SLC4A4: variants seen among roughly 807,000 people sequenced by gnomAD.
SLC4A4 encodes the protein electrogenic sodium bicarbonate cotransporter 1.
A neutral mutation model predicts 111.5 loss-of-function variants in SLC4A4; 27 were observed. The ratio of observed to expected loss-of-function variants is 0.24; its 90% CI spans 0.18 to 0.33. The LOEUF is 0.33. Among genes scored for constraint, SLC4A4 ranks in the 10% least tolerant of loss-of-function variants. The probability of loss-of-function intolerance (pLI) is 1.00; values close to 1 mark genes in which losing one functional copy is unlikely to be tolerated. For missense variants in SLC4A4, 909 were observed against 1,315.5 expected (o/e 0.69, Z 4.78); for synonymous variants, 443 against 463.4 (o/e 0.96, Z 0.57).
intron 14 of SLC4A4, among the ~76,000 whole-genome samples, chr4:71,474,625 C>T (rs1274576660): frequency 1.3e-5 from 2 of 151,778 alleles, no homozygotes; most frequent in East Asian, 1.9e-4. Context: ...TGATGACAAG[C>T]TAGGGCATTG....
chr4:71,525,486 T>TA (rs59665909), intron 16 of SLC4A4, among the ~76,000 whole-genome samples: 2,122 of 152,252 alleles, frequency 0.014, 38 homozygotes, highest in South Asian at 0.069. Context: ...GTATCATTTT[T>TA]AAAAACTTTT....
chr4:71,100,772 C>T lies in SLC4A4; in HGVS notation c.-2+7980C>T, dbSNP rs183466053. On this transcript the variant is annotated intron_variant, in intron 2 of 26. Transcript: ENST00000649996. ...AGTTTTAGGATACAAAATCAATGTA[C>T]AAAAATCACCAGCATTCCTATACTC... Among the ~76,000 whole-genome samples the T allele has an allele frequency of 2.5e-4, 38 of 152,234 alleles. 1 individual carries two copies. Among genetic ancestry groups the T allele is most frequent in the Admixed American group, 1.9e-3 (29 of 15,286 alleles).
chr4:71,403,373 A>G (rs1373309647), intron 7 of SLC4A4, among the ~76,000 whole-genome samples: 3 of 152,240 alleles, frequency 2.0e-5, no homozygotes, highest in Admixed American at 2.0e-4. Context: ...AATGAAACAG[A>G]TAAATCTTTT....
chr4:71,311,301 C>G (rs1373409402), intron 3 of SLC4A4, among the ~76,000 whole-genome samples: 4 of 152,122 alleles, frequency 2.6e-5, no homozygotes, highest in African/African-American at 9.7e-5. Context: ...AGAAAATTAA[C>G]AAGGATATTC....
Position 71,450,477 on chromosome 4 carries a change from C to A in SLC4A4, c.1142C>A (p.Pro381Gln). 1 of 1,613,752 alleles carries A rather than the reference C, an allele frequency of 6.2e-7. No homozygotes were observed. The highest frequency in any genetic ancestry group is 8.5e-7 in the Non-Finnish European group (1 of 1,179,782). Residue 381 changes from proline (P) to glutamine (Q), a missense_variant, in exon 10 of 26, where the codon CCA (proline) becomes CAA (glutamine). By Grantham distance (76) the Pro-to-Gln change is moderately conservative. Around this residue, in one of 7 missense-constraint regions of SLC4A4, gnomAD observed 312 missense variants for 402.0 expected, o/e 0.78. Coordinates refer to ENST00000264485, the MANE Select transcript of SLC4A4 (RefSeq NM_001098484.3). ...TTCCTAGATGAAGTCATCGTCCTTC[C>A]ACCTGGGGAATGGGATCCAGCAATT... is the stretch of plus-strand genomic sequence containing the variant. ...DEFLDEVIVLPPGEWDPAIRI... is the reference protein window; with the variant it reads ...DEFLDEVIVLQPGEWDPAIRI...
At chr4:71,304,432 C>T (rs1412223227) in intron 3 of SLC4A4, among the ~76,000 whole-genome samples, 2 of 152,180 alleles carry the variant, frequency 1.3e-5, no homozygotes, top group Non-Finnish European at 2.9e-5. Flanking sequence ...GGTGAATTCA[C>T]CTTTCCGCCA....
rs1490152897 is a variant in SLC4A4, at chr4:71,093,258, C to T, written c.-2+466C>T. On this transcript the variant is annotated intron_variant, in intron 2 of 26. Transcript: ENST00000649996. ...TCTTGGCTCACTGCAATCTCTACCTCCCAGGTTCAAGCAATTCTCCTGCCT... is the reference window on the plus strand; with the variant it reads ...TCTTGGCTCACTGCAATCTCTACCTTCCAGGTTCAAGCAATTCTCCTGCCT... Among the ~76,000 whole-genome samples the T allele has an allele frequency of 2.0e-5, 3 of 151,304 alleles. No homozygotes were observed. In the East Asian group the frequency reaches 5.8e-4, roughly 29 times the overall value.
chr4:71,387,418 A>G (rs1718850671), intron 6 of SLC4A4, among the ~76,000 whole-genome samples: 1 of 152,098 alleles, frequency 6.6e-6, no homozygotes. Context: ...GTATCTAGGA[A>G]GGTTGAAGAG....
intron 1 of SLC4A4, among the ~76,000 whole-genome samples, chr4:71,196,044 A>G (rs191326347): frequency 1.3e-3 from 192 of 152,334 alleles, no homozygotes; most frequent in South Asian, 2.1e-3. Context: ...GTTTCATGGA[A>G]TCTTGAGTGT....
intron 2 of SLC4A4, among the ~76,000 whole-genome samples, chr4:71,099,784 C>A (rs2148945405): frequency 6.6e-6 from 1 of 152,110 alleles, no homozygotes; most frequent in Non-Finnish European, 1.5e-5. Flanking sequence ...TACCACTGAC[C>A]CACAGAAATA....
chr4:71,381,073 C>G (rs1718094687), intron 6 of SLC4A4, among the ~76,000 whole-genome samples: 1 of 152,112 alleles, frequency 6.6e-6, no homozygotes, highest in Non-Finnish European at 1.5e-5. Context: ...CAGCTTTTGC[C>G]TCAGAAAGAG....
intron 6 of SLC4A4, among the ~76,000 whole-genome samples, chr4:71,382,211 G>A (rs1186552260): frequency 2.6e-5 from 4 of 152,030 alleles, no homozygotes; most frequent in South Asian, 2.1e-4. Context: ...TGATGTGATC[G>A]AAGTTTTAGT....
rs535356358 is a variant in SLC4A4, at chr4:71,368,798, G to T, written c.730+11611G>T. 2.0e-4 allele frequency among the ~76,000 whole-genome samples: 31 copies of T among 152,278 alleles called. No individual in the cohort carries two copies. In the South Asian group the frequency reaches 6.2e-3, roughly 31 times the overall value. ...GGTGGATCATCCATTGGTATTTGGG[G>T]AACTATAATGATTGAATGTAATTTT... On this transcript the variant is annotated intron_variant, in intron 6 of 25. Transcript: ENST00000264485.
intron 2 of SLC4A4, among the ~76,000 whole-genome samples, chr4:71,116,930 C>G (rs368940706): frequency 6.8e-6 from 1 of 146,348 alleles, no homozygotes; most frequent in African/African-American, 2.6e-5. Context: ...GCAACAAGAG[C>G]GAAACTCCAT....
upstream of SLC4A4, chr4:71,186,631 G>C (rs373703866): frequency 2.0e-5 from 3 of 151,544 alleles, no homozygotes; most frequent in Admixed American, 2.0e-4. Context: ...CCCCGCCGCC[G>C]ATGCCCGGGC....
intron 3 of SLC4A4, among the ~76,000 whole-genome samples, chr4:71,331,259 C>T (rs1263434236): frequency 6.6e-6 from 1 of 152,150 alleles, no homozygotes; most frequent in Non-Finnish European, 1.5e-5. Context: ...ATAAATCATG[C>T]TGCTATAAAG....
intron 2 of SLC4A4, among the ~76,000 whole-genome samples, chr4:71,156,470 C>T (rs2148974960): frequency 6.6e-6 from 1 of 152,074 alleles, no homozygotes; most frequent in South Asian, 2.1e-4. Context: ...TCATAGAACT[C>T]TAACTACAAT....
Position 71,531,835 on chromosome 4 carries a change from A to C in SLC4A4, c.2167-227A>C, listed in dbSNP as rs562532068. On this transcript the variant is annotated intron_variant, in intron 16 of 25. Coordinates refer to ENST00000264485, the MANE Select transcript of SLC4A4 (RefSeq NM_001098484.3). ...GAGAGAGAGAGAGAGAGAAAGAGCG[A>C]GCGCAACCTGTTCTTTGGGATACAT... 1.1e-4 allele frequency among the ~76,000 whole-genome samples: 16 copies of C among 150,152 alleles called. No individual in the cohort carries two copies. The East Asian group carries it at 1.2e-3, about 11-fold the overall frequency.
Position 71,557,706 on chromosome 4 carries a change from C to T in SLC4A4, c.2764-6C>T. The T allele has an allele frequency of 1.9e-6, 3 of 1,612,416 alleles. No homozygotes were observed. Among genetic ancestry groups the T allele is most frequent in the Non-Finnish European group, 2.5e-6 (3 of 1,179,062 alleles). ...CAGTTGGACTCCTTTCCTCTTTCCT[C>T]CCCAGTTCATGGATCGTCTGAAGCT... is the stretch of plus-strand genomic sequence containing the variant. On this transcript the variant is annotated splice_region_variant and splice_polypyrimidine_tract_variant and intron_variant, in intron 21 of 25. Transcript: ENST00000264485.
Sources: gnomAD v4.1 joint callset for allele counts (sites outside exome capture counted in the v4.1 genomes callset) on GRCh38, gnomAD v4.1.1 for gene constraint, gnomAD v4.1.1 regional missense constraint, MANE v1.5 for transcripts, NCBI Gene and HGNC (gene_info 2026-07-23, HGNC 2026-07-21) for gene names.